The following KLHDC1 variants were observed in gnomAD, a reference collection of about 807,000 sequenced individuals.
KLHDC1 encodes kelch domain containing 1, also known as kelch domain-containing protein 1.
KLHDC1 carries 53 observed loss-of-function variants against 68.3 expected under a neutral mutation model. The ratio of observed to expected loss-of-function variants is 0.78; its 90% CI spans 0.62 to 0.98. The LOEUF is 0.98. Among genes scored for constraint, KLHDC1 ranks in the 50% least tolerant of loss-of-function variants. The pLI is 0.00. For synonymous variants in KLHDC1, 148 were observed against 159.0 expected, an observed-to-expected ratio of 0.93 and a Z score of 0.52; for missense variants, 470 against 492.3, an observed-to-expected ratio of 0.95 and a Z score of 0.43.
chr14:49,730,142 T>G (rs1454034386), intron 8 of KLHDC1, among the ~76,000 whole-genome samples: 1 of 151,898 alleles, frequency 6.6e-6, no homozygotes, highest in Non-Finnish European at 1.5e-5. Context: ...ATTAAATATT[T>G]CTCTGTAGAA....
At chr14:49,750,068 A>T (rs1241193144) in intron 12 of KLHDC1, among the ~76,000 whole-genome samples, 1 of 152,188 alleles carries the variant, frequency 6.6e-6, no homozygotes, top group Non-Finnish European at 1.5e-5. Context: ...TCAGGAAAAA[A>T]AAATTAGTCA....
chr14:49,736,787 G>A (rs1594678437), intron 10 of KLHDC1, among the ~76,000 whole-genome samples: 2 of 152,152 alleles, frequency 1.3e-5, no homozygotes, highest in South Asian at 2.1e-4. Flanking sequence ...CCCAGTAGAT[G>A]CCAGTTGTAC....
At chr14:49,720,508 A>C (rs1217807132) in intron 4 of KLHDC1, among the ~76,000 whole-genome samples, 1 of 149,162 alleles carries the variant, frequency 6.7e-6, no homozygotes, top group Non-Finnish European at 1.5e-5. Context: ...TCTGTTCTAT[A>C]TTTTTGCCCT....
intron 1 of KLHDC1, among the ~76,000 whole-genome samples, chr14:49,705,365 C>CTTTTTTTT (rs59444333): frequency 0.53 from 37,243 of 70,822 alleles, 12,713 homozygotes; most frequent in East Asian, 0.75. Flanking sequence ...TTCTTTCTTT[C>CTTTTTTTT]TTTTTTTTTT....
At chr14:49,745,723 G>C (rs1889184418) in intron 12 of KLHDC1, among the ~76,000 whole-genome samples, 1 of 152,200 alleles carries the variant, frequency 6.6e-6, no homozygotes, top group Non-Finnish European at 1.5e-5. Context: ...AGCATAGTAT[G>C]TTCTGGATAC....
intron 4 of KLHDC1, among the ~76,000 whole-genome samples, chr14:49,723,419 C>T (rs1448276674): frequency 6.6e-6 from 1 of 152,054 alleles, no homozygotes; most frequent in African/African-American, 2.4e-5. Flanking sequence ...GTAGTCACAG[C>T]TACTCAGAGG....
intron 10 of KLHDC1, among the ~76,000 whole-genome samples, chr14:49,736,541 A>G (rs1888933808): frequency 1.3e-5 from 2 of 152,190 alleles, no homozygotes; most frequent in South Asian, 4.1e-4. Context: ...GAGAACATAT[A>G]TATGTGTCTA....
At chr14:49,713,836 ATATATATATATATATTTT>A (rs1279935226) in intron 4 of KLHDC1, among the ~76,000 whole-genome samples, 15 of 3,132 alleles carry the variant, frequency 4.8e-3, no homozygotes, top group African/African-American at 9.0e-3. Context: ...ATATATATAT[ATATATATATATATATTTT>A]TTTTTTTTTT....
chr14:49,700,418 T>C (rs1250272815), intron 1 of KLHDC1, among the ~76,000 whole-genome samples: 1 of 151,988 alleles, frequency 6.6e-6, no homozygotes, highest in East Asian at 2.0e-4. Context: ...CCCTTGTCTC[T>C]GCTGGAAAGA....
At chr14:49,693,742 C>CTT (rs1566589138) in intron 1 of KLHDC1, among the ~76,000 whole-genome samples, 4 of 60,926 alleles carry the variant, frequency 6.6e-5, no homozygotes, top group Admixed American at 4.4e-4. Context: ...ATTTTCTTTT[C>CTT]TTTTTCTTTT....
chr14:49,720,048 G>A (rs576605397), intron 4 of KLHDC1, among the ~76,000 whole-genome samples: 35 of 150,416 alleles, frequency 2.3e-4, no homozygotes, highest in African/African-American at 6.4e-4. Flanking sequence ...GTGCAGTGGC[G>A]CGATCTTGGC....
At chr14:49,725,838 G>GT (rs961260598) in intron 6 of KLHDC1, 69 bp downstream of exon 6, 1,600 of 761,168 alleles carry the variant, frequency 2.1e-3, no homozygotes, top group Non-Finnish European at 2.3e-3. Flanking sequence ...TGGATTTTGG[G>GT]TTTTTTTTTG....
chr14:49,704,670 A>G (rs1214574427), intron 1 of KLHDC1, among the ~76,000 whole-genome samples: 1 of 152,106 alleles, frequency 6.6e-6, no homozygotes, highest in African/African-American at 2.4e-5. Flanking sequence ...TGCTGGGATT[A>G]CAAGCATGAG....
At chr14:49,745,119 A>G (rs943166173) in intron 12 of KLHDC1, among the ~76,000 whole-genome samples, 1 of 152,198 alleles carries the variant, frequency 6.6e-6, no homozygotes, top group Non-Finnish European at 1.5e-5. Flanking sequence ...GACATATGAG[A>G]AAGAGAGAGA....
intron 8 of KLHDC1, 132 bp downstream of exon 8, chr14:49,729,680 C>A: frequency 1.7e-6 from 1 of 593,588 alleles, no homozygotes; most frequent in Non-Finnish European, 3.0e-6. Context: ...TAAGCAAGGA[C>A]TATATAGATT....
At chr14:49,717,574 C>T (rs557270328) in intron 4 of KLHDC1, among the ~76,000 whole-genome samples, 19 of 152,214 alleles carry the variant, frequency 1.2e-4, no homozygotes, top group East Asian at 3.9e-4. Context: ...TTTGATGTTA[C>T]GTTACGGTAG....
In KLHDC1 at chr14:49,693,392, C is replaced by T. The variant is rs995235964; in HGVS notation, c.96+102C>T. 17 of 822,580 alleles carry T rather than the reference C, an allele frequency of 2.1e-5. 1 individual carries two copies. Among genetic ancestry groups the T allele is most frequent in the South Asian group, 5.0e-5 (1 of 20,192 alleles). The allele number at this position is 822,580 out of a possible 1,614,324, so 51.0% of individuals were successfully genotyped here. The stretch of plus-strand genomic sequence containing the variant: ...CCGCTCCCGAGGCTGCGGCCCAGGC[C>T]TGGCGCGCCCGGCGCCTGCAGCCCC... On this transcript the variant is annotated intron_variant, in intron 1 of 12. Transcript: ENST00000359332.
intron 6 of KLHDC1, among the ~76,000 whole-genome samples, chr14:49,727,271 G>T (rs1218509599): frequency 1.3e-5 from 2 of 151,492 alleles, no homozygotes; most frequent in African/African-American, 4.8e-5. Context: ...AAAAAAGAAA[G>T]AAAGAAAAGG....
At chr14:49,745,342 T>A (rs912791652) in intron 12 of KLHDC1, among the ~76,000 whole-genome samples, 1 of 152,146 alleles carries the variant, frequency 6.6e-6, no homozygotes, top group Non-Finnish European at 1.5e-5. Context: ...CTACAGATGA[T>A]GATTTAATTA....
Sources: gnomAD v4.1 joint callset for allele counts (sites outside exome capture counted in the v4.1 genomes callset) on GRCh38, gnomAD v4.1.1 for gene constraint, MANE v1.5 for transcripts, NCBI Gene and HGNC (gene_info 2026-07-23, HGNC 2026-07-21) for gene names.